Variants in TSHZ3 observed in about 807,000 individuals in gnomAD.
TSHZ3 encodes teashirt zinc finger homeobox 3.
In TSHZ3, 10 loss-of-function variants were observed where a neutral mutation model predicts 64.5. That is an observed-to-expected ratio of 0.16 (90% CI 0.10 to 0.26). TSHZ3 has a LOEUF of 0.26. TSHZ3 is among the 10% of genes least tolerant of loss of function. The pLI, the probability that TSHZ3 is intolerant of heterozygous loss-of-function variation, is 1.00. For missense variants in TSHZ3, 1,242 were observed against 1,421.7 expected (o/e 0.87, Z 2.03); for synonymous variants, 608 against 593.1 (o/e 1.03, Z -0.36).
intron 5 of TSHZ3, among the ~76,000 whole-genome samples, chr19:31,167,005 G>A (rs1243357434): frequency 1.3e-5 from 2 of 152,290 alleles, no homozygotes; most frequent in East Asian, 3.9e-4. Context: ...TCCACCCAGA[G>A]CACACGCAAT....
intron 4 of TSHZ3, among the ~76,000 whole-genome samples, chr19:31,209,977 C>T (rs973540656): frequency 6.6e-6 from 1 of 151,952 alleles, no homozygotes; most frequent in Non-Finnish European, 1.5e-5. Context: ...GAAGCATGAA[C>T]AAAAGAAGGG....
At chr19:31,335,214 C>T (rs1027847067) in intron 1 of TSHZ3, among the ~76,000 whole-genome samples, 1 of 152,224 alleles carries the variant, frequency 6.6e-6, no homozygotes, top group Admixed American at 6.5e-5. Context: ...TCTTCCTTTG[C>T]CCTTCCCCGA....
intron 1 of TSHZ3, among the ~76,000 whole-genome samples, chr19:31,348,563 G>C (rs868066477): frequency 2.0e-5 from 3 of 152,080 alleles, no homozygotes; most frequent in Middle Eastern, 3.4e-3. Context: ...AGTACAAGGA[G>C]GGGGTGGGGG....
intron 1 of TSHZ3, among the ~76,000 whole-genome samples, chr19:31,255,013 C>T (rs1170935507): frequency 6.6e-6 from 1 of 152,106 alleles, no homozygotes; most frequent in East Asian, 1.9e-4. Context: ...TGAACTTTGC[C>T]CAACATCCTC....
intron 5 of TSHZ3, among the ~76,000 whole-genome samples, chr19:31,172,131 A>G (rs997206495): frequency 6.6e-6 from 1 of 152,160 alleles, no homozygotes; most frequent in Non-Finnish European, 1.5e-5. Flanking sequence ...AGCTACCTCC[A>G]TATCATAGTG....
chr19:31,338,581 CTTT>C (rs34643581), intron 1 of TSHZ3, among the ~76,000 whole-genome samples: 1 of 119,100 alleles, frequency 8.4e-6, no homozygotes. Flanking sequence ...TTTTTTTTTT[CTTT>C]TTTTTTTTTT....
intron 5 of TSHZ3, among the ~76,000 whole-genome samples, chr19:31,193,152 CT>C (rs1210856491): frequency 2.0e-5 from 3 of 151,948 alleles, no homozygotes; most frequent in Non-Finnish European, 4.4e-5. Flanking sequence ...CCTGCTCTGC[CT>C]TTTTTTTCTG....
chr19:31,288,443 A>G (rs1354802080), intron 1 of TSHZ3, among the ~76,000 whole-genome samples: 2 of 152,150 alleles, frequency 1.3e-5, no homozygotes, highest in Non-Finnish European at 2.9e-5. Flanking sequence ...ACTTGGGCCC[A>G]CAACAGAGCA....
intron 4 of TSHZ3, among the ~76,000 whole-genome samples, chr19:31,216,454 CT>C (rs758169952): frequency 0.024 from 3,322 of 137,534 alleles, 98 homozygotes; most frequent in African/African-American, 0.074. Flanking sequence ...CAGGAGGCAG[CT>C]TTTTTTTTTT....
intron 5 of TSHZ3, among the ~76,000 whole-genome samples, chr19:31,156,826 C>T (rs1429879222): frequency 6.6e-6 from 1 of 152,118 alleles, no homozygotes. Context: ...CGATCCTGGT[C>T]CCTTCCTTAA....
At chr19:31,297,483 TA>T (rs1421985637) in intron 1 of TSHZ3, among the ~76,000 whole-genome samples, 6 of 152,190 alleles carry the variant, frequency 3.9e-5, no homozygotes, top group African/African-American at 1.4e-4. Flanking sequence ...TCTAATTTTT[TA>T]TTTTTTTTAA....
At chr19:31,269,679 G>T (rs943654460) in intron 1 of TSHZ3, among the ~76,000 whole-genome samples, 4 of 152,114 alleles carry the variant, frequency 2.6e-5, no homozygotes, top group Non-Finnish European at 5.9e-5. Flanking sequence ...TGTGTCCCTG[G>T]ATTCCTGCTG....
At position 31,277,811 on chromosome 19, in the gene TSHZ3, T is replaced by C. The variant is rs888759082; in HGVS notation, c.1982A>G (p.Asp661Gly). Residue 661 changes from aspartate to glycine, a missense_variant, in exon 2 of 2, where the codon GAT becomes GGT. Around this residue, in one of 4 missense-constraint regions of TSHZ3, gnomAD observed 550 missense variants for 545.1 expected, o/e 1.01. Coordinates refer to ENST00000240587, the MANE Select transcript of TSHZ3 (RefSeq NM_020856.4). The surrounding 1 kb of genome is among the most constrained non-coding windows in gnomAD (Gnocchi z 4.5). ...GEPIKMEASS[D>G]GGFRSQENSP... ...GTTCTCCTGGCTGCGGAAGCCCCCA[T>C]CGCTGGATGCCTCCATCTTGATGGG... 2 of 1,551,678 alleles carry C rather than the reference T, an allele frequency of 1.3e-6. No individual in the cohort carries two copies. Among genetic ancestry groups the C allele is most frequent in the African/African-American group, 2.7e-5 (2 of 72,808 alleles).
intron 1 of TSHZ3, among the ~76,000 whole-genome samples, chr19:31,288,687 T>G (rs1976509326): frequency 6.6e-6 from 1 of 152,130 alleles, no homozygotes; most frequent in African/African-American, 2.4e-5. Context: ...GAACTACAGG[T>G]AAGCACCACC....
intron 5 of TSHZ3, among the ~76,000 whole-genome samples, chr19:31,192,521 T>C (rs551791907): frequency 6.6e-6 from 1 of 152,252 alleles, no homozygotes; most frequent in East Asian, 1.9e-4. Context: ...TCTTTGCTAA[T>C]CCTCTTTCAC....
chr19:31,218,928 G>C (rs543039038), intron 4 of TSHZ3, among the ~76,000 whole-genome samples: 2 of 152,234 alleles, frequency 1.3e-5, no homozygotes, highest in East Asian at 3.9e-4. Flanking sequence ...ATTGTAATCC[G>C]GCAGCATTGC....
chr19:31,271,158 T>G (rs1342953658), downstream of TSHZ3, among the ~76,000 whole-genome samples: 1 of 152,124 alleles, frequency 6.6e-6, no homozygotes, highest in East Asian at 1.9e-4. Context: ...ATTTGGCTAA[T>G]CTATTGTCTT....
At chr19:31,190,074 A>T (rs1353535) in intron 5 of TSHZ3, among the ~76,000 whole-genome samples, 109,233 of 151,946 alleles carry the variant, frequency 0.72, 39,784 homozygotes, top group African/African-American at 0.85. Context: ...GTTTTTCTTG[A>T]AGTAGCATAT....
chr19:31,348,008 G>A (rs550853558), intron 1 of TSHZ3, among the ~76,000 whole-genome samples: 2 of 152,296 alleles, frequency 1.3e-5, no homozygotes, highest in African/African-American at 4.8e-5. Context: ...CAAAAGAGAA[G>A]TAAAAGAAAG....
Sources: gnomAD v4.1 joint callset for allele counts (sites outside exome capture counted in the v4.1 genomes callset) on GRCh38, gnomAD v4.1.1 for gene constraint, gnomAD v4.1.1 regional missense constraint, Gnocchi (gnomAD v3.1) non-coding constraint, MANE v1.5 for transcripts, NCBI Gene and HGNC (gene_info 2026-07-23, HGNC 2026-07-21) for gene names.